Variants in CELSR1 observed in about 807,000 individuals in gnomAD.
The protein encoded by CELSR1 is adhesion G protein-coupled receptor C1.
In CELSR1, 110 loss-of-function variants were observed where a neutral mutation model predicts 249.1. That is an observed-to-expected ratio of 0.44 (90% confidence interval 0.38 to 0.52). The LOEUF is 0.52. Among genes scored for constraint, CELSR1 ranks in the 20% least tolerant of loss-of-function variants. The pLI is 0.00. For missense variants in CELSR1, 4,109 were observed against 4,296.4 expected, an observed-to-expected ratio of 0.96 and a Z score of 1.22; for synonymous variants, 2,113 against 1,900.0, an observed-to-expected ratio of 1.11 and a Z score of -2.92.
Position 46,505,261 on chromosome 22 carries a change from C to CAAAAAAA in CELSR1, c.3544+28359_3544+28365dup, listed in dbSNP as rs3081585. 3.5e-3 allele frequency among the ~76,000 whole-genome samples: 218 copies of CAAAAAAA among 61,822 alleles called. 9 individuals carry two copies. Among genetic ancestry groups the CAAAAAAA allele is most frequent in the East Asian group, 5.9e-3 (8 of 1,364 alleles). The allele number at this position is 61,822 out of a possible 152,430, so 40.6% of individuals were successfully genotyped here. ...TGGGCGACAGAGCAAGACTCTGTCT[C>CAAAAAAA]AAAAAAAAAAAAAAAAAAAAAGAGC... On this transcript the variant is annotated intron_variant, in intron 1 of 34. Transcript: ENST00000674500.
chr22:46,410,467 G>T lies in CELSR1; in HGVS notation c.4864C>A (p.Arg1622=), dbSNP rs367683803. 1 of 1,613,940 alleles carries T rather than the reference G, an allele frequency of 6.2e-7. No homozygotes were observed. Among genetic ancestry groups the T allele is most frequent in the Non-Finnish European group, 8.5e-7 (1 of 1,180,030 alleles). ...VHNRQFVGCM[R]NLSVDGKNVD... ...TTTTTGCCGTCGACTGACAGGTTCC[G>T]CATGCAGCCCACGAACTGCCGGTTG... Residue 1622 remains arginine (R), a synonymous_variant, in exon 7 of 35, where the codon CGG becomes AGG. Coordinates refer to ENST00000674500, the MANE Select transcript of CELSR1 (RefSeq NM_001378328.1). This position sits in a 1 kb window ranked among gnomAD's most constrained non-coding sequence, Gnocchi z 6.8.
chr22:46,406,154 C>G lies in CELSR1; in HGVS notation c.5226+2842G>C, dbSNP rs6007899. On this transcript the variant is annotated intron_variant, in intron 9 of 34. Coordinates refer to ENST00000674500, the MANE Select transcript of CELSR1 (RefSeq NM_001378328.1). The surrounding 1 kb of genome is among the most constrained non-coding windows in gnomAD (Gnocchi z 5.4). ...GACCCCACTGCCAAATGACAACTTG[C>G]AAGCTCCAGTTCATCACCTGCATCC... Among the ~76,000 whole-genome samples the G allele has an allele frequency of 8.9e-4, 135 of 152,338 alleles. No homozygotes were observed. Among genetic ancestry groups the G allele is most frequent in the African/African-American group, 2.9e-3 (122 of 41,572 alleles).
In CELSR1 at chr22:46,533,717, G is replaced by A. The variant is rs747293198; in HGVS notation, c.3454C>T (p.Leu1152=). 4.0e-5 allele frequency: 64 copies of A among 1,612,772 alleles called. No homozygotes were observed. In the Admixed American group the frequency reaches 1.0e-3, roughly 25 times the overall value. Residue 1152 remains leucine (L), a synonymous_variant, in exon 1 of 35, where the codon CTG becomes TTG. Coordinates refer to ENST00000674500, the MANE Select transcript of CELSR1 (RefSeq NM_001378328.1). ...AGTTCGCCCGTGGCGGGGTCCAGCA[G>A]CAACAGGCGCAGCTCGTTGCCCTGC... The part of the protein sequence containing the change: ...FVQGNELRLL[L]LDPATGELQL...
intron 26 of CELSR1, 37 bp from the exon 27 acceptor site, chr22:46,369,295 C>T (rs370371950): frequency 1.5e-3 from 149 of 98,708 alleles, no homozygotes; most frequent in Middle Eastern, 3.1e-3. Context: ...TCTTCTCTCT[C>T]GTCACTGCAG....
Position 46,362,873 on chromosome 22 carries a change from C to T in CELSR1, c.*350G>A, listed in dbSNP as rs954727854. ...TGTGCCCGGCGTTCCTGAACTCTGGCCAGCCTCTGGGCCCAGTCTGGGGTC... is the reference window on the plus strand; with the variant it reads ...TGTGCCCGGCGTTCCTGAACTCTGGTCAGCCTCTGGGCCCAGTCTGGGGTC... On this transcript the variant is annotated 3_prime_UTR_variant, in exon 35 of 35. Coordinates refer to ENST00000674500, the MANE Select transcript of CELSR1 (RefSeq NM_001378328.1). The T allele has an allele frequency of 2.3e-6, 1 of 431,584 alleles. No individual in the cohort carries two copies. The highest frequency in any genetic ancestry group is 4.2e-6 in the Non-Finnish European group (1 of 239,284). The allele number at this position is 431,584 out of a possible 1,614,324, so 26.7% of individuals were successfully genotyped here.
chr22:46,439,157 C>T (rs16994764), intron 3 of CELSR1, 32 bp downstream of exon 3: 106 of 1,586,082 alleles, frequency 6.7e-5, no homozygotes, highest in Non-Finnish European at 8.8e-5. Flanking sequence ...CCTAAAGAGA[C>T]CCCCGTGTGG....
chr22:46,445,371 G>A lies in CELSR1; in HGVS notation c.4184-5960C>T, dbSNP rs1387574316. Among the ~76,000 whole-genome samples, 1 of 152,128 alleles carries A rather than the reference G, an allele frequency of 6.6e-6. No individual in the cohort carries two copies. Among genetic ancestry groups the A allele is most frequent in the Admixed American group, 6.5e-5 (1 of 15,274 alleles). On this transcript the variant is annotated intron_variant, in intron 2 of 34. Transcript: ENST00000674500. This position sits in a 1 kb window ranked among gnomAD's most constrained non-coding sequence, Gnocchi z 4.4. The stretch of plus-strand genomic sequence containing the variant: ...TAGCCGGGTATGGTGGCGCATGCCT[G>A]TAGTCCCAGCTACTAGGCAGGCTGA...
In CELSR1 at chr22:46,527,964, G is replaced by A. The variant is rs1289086539; in HGVS notation, c.3544+5663C>T. Among the ~76,000 whole-genome samples the A allele has an allele frequency of 2.6e-5, 4 of 152,076 alleles. No individual in the cohort carries two copies. The highest frequency in any genetic ancestry group is 4.4e-5 in the Non-Finnish European group (3 of 68,024). ...ACAAAAATTAGCCAGGCATGATGGC[G>A]GGTACCTATAATCCCAGCTACTTGG... is the stretch of plus-strand genomic sequence containing the variant. On this transcript the variant is annotated intron_variant, in intron 1 of 34. Transcript: ENST00000674500. This position sits in a 1 kb window ranked among gnomAD's most constrained non-coding sequence, Gnocchi z 5.5.
Position 46,454,363 on chromosome 22 carries a change from G to C in CELSR1, c.4183+9344C>G, listed in dbSNP as rs148500684. On this transcript the variant is annotated intron_variant, in intron 2 of 34. Transcript: ENST00000674500. This position sits in a 1 kb window ranked among gnomAD's most constrained non-coding sequence, Gnocchi z 5.1. ...ACAGGAGACTCGTGCAGGGGTGAGCGAGCGTGCCCAGCCCTGCTGTCACGG... is the reference window on the plus strand; with the variant it reads ...ACAGGAGACTCGTGCAGGGGTGAGCCAGCGTGCCCAGCCCTGCTGTCACGG... Among the ~76,000 whole-genome samples, 3,484 of 152,296 alleles carry C rather than the reference G, an allele frequency of 0.023. 63 individuals are homozygous for C. Among genetic ancestry groups the C allele is most frequent in the African/African-American group, 0.043 (1,791 of 41,558 alleles).
In CELSR1 at chr22:46,412,752, T is replaced by C. The variant is rs948857660; in HGVS notation, c.4612-993A>G. Among the ~76,000 whole-genome samples the C allele has an allele frequency of 2.6e-5, 4 of 152,224 alleles. No individual in the cohort carries two copies. The highest frequency in any genetic ancestry group is 5.9e-5 in the Non-Finnish European group (4 of 68,042). ...AGCACCCGCCCTACACAATCCATGCTGGCCACGGAACTTAAGCATGTGGGT... is the reference window on the plus strand; with the variant it reads ...AGCACCCGCCCTACACAATCCATGCCGGCCACGGAACTTAAGCATGTGGGT... On this transcript the variant is annotated intron_variant, in intron 5 of 34. Coordinates refer to ENST00000674500, the MANE Select transcript of CELSR1 (RefSeq NM_001378328.1). This position sits in a 1 kb window ranked among gnomAD's most constrained non-coding sequence, Gnocchi z 4.5.
At chr22:46,494,122 T>C (rs1376133946) in intron 1 of CELSR1, among the ~76,000 whole-genome samples, 1 of 152,212 alleles carries the variant, frequency 6.6e-6, no homozygotes, top group Non-Finnish European at 1.5e-5. Flanking sequence ...CTTGACTGGC[T>C]ACACTGTTAA....
intron 2 of CELSR1, among the ~76,000 whole-genome samples, chr22:46,450,523 G>A (rs1259419145): frequency 6.6e-6 from 1 of 152,252 alleles, no homozygotes; most frequent in African/African-American, 2.4e-5. Context: ...CTGGTCAGAT[G>A]AGTACACGAA....
At chr22:46,455,809 A>G (rs962825241) in intron 2 of CELSR1, among the ~76,000 whole-genome samples, 19 of 152,210 alleles carry the variant, frequency 1.2e-4, no homozygotes, top group African/African-American at 4.6e-4. Flanking sequence ...AATTGAGTGG[A>G]GAACAGGAGA....
At chr22:46,478,095 C>G (rs1245059883) in intron 1 of CELSR1, among the ~76,000 whole-genome samples, 1 of 152,224 alleles carries the variant, frequency 6.6e-6, no homozygotes, top group Non-Finnish European at 1.5e-5. Flanking sequence ...ACCTCTGGAC[C>G]CCTTCCGGCC....
intron 27 of CELSR1, among the ~76,000 whole-genome samples, chr22:46,368,414 C>T (rs2078811999): frequency 6.6e-6 from 1 of 151,920 alleles, no homozygotes; most frequent in South Asian, 2.1e-4. Flanking sequence ...CCCCCGTGCA[C>T]CCCCATATCC....
chr22:46,492,754 C>G (rs529874076), intron 1 of CELSR1, among the ~76,000 whole-genome samples: 1 of 151,260 alleles, frequency 6.6e-6, no homozygotes, highest in African/African-American at 2.4e-5. Context: ...CCACCGTGCT[C>G]GGCCGAAACC....
At chr22:46,499,702 C>T (rs1232932406) in intron 1 of CELSR1, among the ~76,000 whole-genome samples, 1 of 152,158 alleles carries the variant, frequency 6.6e-6, no homozygotes, top group Non-Finnish European at 1.5e-5. Context: ...AGAATTTTCT[C>T]AAACTGTATC....
In CELSR1 at chr22:46,527,257, C is replaced by T. The variant is rs190449498; in HGVS notation, c.3544+6370G>A. Among the ~76,000 whole-genome samples the T allele has an allele frequency of 2.6e-4, 39 of 152,304 alleles. 1 individual carries two copies. In the East Asian group the frequency reaches 3.7e-3, roughly 14 times the overall value. On this transcript the variant is annotated intron_variant, in intron 1 of 34. Transcript: ENST00000674500. The surrounding 1 kb of genome is among the most constrained non-coding windows in gnomAD (Gnocchi z 5.5). ...TCTGACCATCTAAGCTGGCAAAGCC[C>T]TCCTCAGCCACCCCCATGCTGGAGC...
chr22:46,426,305 C>G (rs546358891), intron 5 of CELSR1, among the ~76,000 whole-genome samples: 1 of 152,288 alleles, frequency 6.6e-6, no homozygotes, highest in South Asian at 2.1e-4. Flanking sequence ...CAAGAATGAC[C>G]TCTAACTCTG....
Sources: gnomAD v4.1 joint callset for allele counts (sites outside exome capture counted in the v4.1 genomes callset) on GRCh38, gnomAD v4.1.1 for gene constraint, Gnocchi (gnomAD v3.1) non-coding constraint, MANE v1.5 for transcripts, NCBI Gene and HGNC (gene_info 2026-07-23, HGNC 2026-07-21) for gene names.